Variants in BCKDK observed in about 807,000 individuals in gnomAD.
The protein encoded by BCKDK is branched chain keto acid dehydrogenase kinase.
BCKDK carries 28 observed loss-of-function variants against 43.9 expected under a neutral mutation model. The ratio of observed to expected loss-of-function variants is 0.64; its 90% confidence interval spans 0.47 to 0.87. The LOEUF is 0.87. Among genes scored for constraint, BCKDK ranks in the 40% least tolerant of loss-of-function variants. The pLI is 0.00. For synonymous variants in BCKDK, 257 were observed against 234.3 expected, an observed-to-expected ratio of 1.10 and a Z score of -0.88; for missense variants, 483 against 581.4, an observed-to-expected ratio of 0.83 and a Z score of 1.74.
downstream of BCKDK, among the ~76,000 whole-genome samples, chr16:31,116,205 C>A (rs56955515): frequency 6.6e-6 from 1 of 151,800 alleles, no homozygotes; most frequent in Non-Finnish European, 1.5e-5. Flanking sequence ...CGTGAACCAC[C>A]GCACCCGGCC....
downstream of BCKDK, among the ~76,000 whole-genome samples, chr16:31,117,000 G>T (rs1000984143): frequency 6.6e-6 from 1 of 151,376 alleles, no homozygotes; most frequent in Non-Finnish European, 1.5e-5. Context: ...GGCCGCTCTG[G>T]CTCTGCCCTG....
chr16:31,109,632 C>A lies in BCKDK; in HGVS notation c.265-41C>A. 1 of 1,613,610 alleles carries A rather than the reference C, an allele frequency of 6.2e-7. No homozygotes were observed. The highest frequency in any genetic ancestry group is 8.5e-7 in the Non-Finnish European group (1 of 1,179,574). On this transcript the variant is annotated intron_variant, in intron 3 of 11. Coordinates refer to ENST00000219794, the MANE Select transcript of BCKDK (RefSeq NM_005881.4). The surrounding 1 kb of genome is among the most constrained non-coding windows in gnomAD (Gnocchi z 5.3). ...GTGGATCCTGGAGCTCTCCCAGACACTCAGGCTCCAGCCCCGCCTTCCCTT... is the reference window on the plus strand; with the variant it reads ...GTGGATCCTGGAGCTCTCCCAGACAATCAGGCTCCAGCCCCGCCTTCCCTT...
chr16:31,113,693 T>C (rs1450488548), downstream of BCKDK, among the ~76,000 whole-genome samples: 1 of 152,092 alleles, frequency 6.6e-6, no homozygotes, highest in African/African-American at 2.4e-5. Flanking sequence ...GGGCTGGACT[T>C]GAACTTCTGG....
chr16:31,109,475 G>A lies in BCKDK; in HGVS notation c.196-36G>A. On this transcript the variant is annotated intron_variant, in intron 2 of 11. Coordinates refer to ENST00000219794, the MANE Select transcript of BCKDK (RefSeq NM_005881.4). This position sits in a 1 kb window ranked among gnomAD's most constrained non-coding sequence, Gnocchi z 5.3. ...GGATGTAGGCGGGAGGGAGAGTGTT[G>A]GGGGTTCTCTGCTCAAGGCCTCTCT... 1.9e-6 allele frequency: 3 copies of A among 1,613,616 alleles called. 1 individual carries two copies. Among genetic ancestry groups the A allele is most frequent in the South Asian group, 2.2e-5 (2 of 91,020 alleles).
Position 31,109,821 on chromosome 16 carries a change from G to GC in BCKDK, c.375+42dup, listed in dbSNP as rs1567428510. On this transcript the variant is annotated intron_variant, in intron 4 of 11. Transcript: ENST00000219794. The surrounding 1 kb of genome is among the most constrained non-coding windows in gnomAD (Gnocchi z 5.3). ...GGACCTTAGGTCAGCGGGCCACCCT[G>GC]CCCCGGGGGCAAGTGGGGAGTCTGG... is the stretch of plus-strand genomic sequence containing the variant. 6.3e-7 allele frequency: 1 copy of GC among 1,597,972 alleles called. No homozygotes were observed.
chr16:31,113,639 A>T (rs532677117), downstream of BCKDK, among the ~76,000 whole-genome samples: 3 of 152,190 alleles, frequency 2.0e-5, no homozygotes, highest in South Asian at 2.1e-4. Flanking sequence ...AAATTTTAAA[A>T]TTTTTTGTAG....
Position 31,111,178 on chromosome 16 carries a change from A to G in BCKDK, c.804A>G (p.Pro268=), listed in dbSNP as rs766448019. 1 of 1,614,112 alleles carries G rather than the reference A, an allele frequency of 6.2e-7. No homozygotes were observed. The highest frequency in any genetic ancestry group is 8.5e-7 in the Non-Finnish European group (1 of 1,180,008). ...CCCGGTTCCCCTTCATCCCTATGCC[A>G]CTGGACTACATCCTGCCGGAGCTGC... ...VAARFPFIPM[P]LDYILPELLK... is the part of the protein sequence containing the mutation. Residue 268 remains proline, a synonymous_variant, in exon 9 of 12, where the codon CCA becomes CCG. Transcript: ENST00000219794.
rs2057399952 is a variant in BCKDK, at chr16:31,110,281, C to A, written c.500C>A (p.Thr167Asn). The part of the protein sequence containing the change: ...QLLDDHKDVV[T>N]LLAEGLRESR... ...CTGGATGACCACAAGGATGTGGTGA[C>A]CCTCTTGGCAGAGGGCCTACGTGAG... Residue 167 changes from threonine to asparagine, a missense_variant, in exon 6 of 12, where the codon ACC (threonine) becomes AAC (asparagine). By Grantham distance (65) the Thr-to-Asn change is moderately conservative. Coordinates refer to ENST00000219794, the MANE Select transcript of BCKDK (RefSeq NM_005881.4). The surrounding 1 kb of genome is among the most constrained non-coding windows in gnomAD (Gnocchi z 5.4). 3 of 1,613,932 alleles carry A rather than the reference C, an allele frequency of 1.9e-6. No individual in the cohort carries two copies. Among genetic ancestry groups the A allele is most frequent in the Admixed American group, 3.3e-5 (2 of 59,988 alleles).
In BCKDK at chr16:31,111,096, T is replaced by C; in HGVS notation, c.722T>C (p.Leu241Pro). ...ACCCTCGCTCCTATCCGCAGACGCC[T>C]GTGTGAGCACAAGTATGGCAATGCG... is the stretch of plus-strand genomic sequence containing the variant. ...IEKWVDFARR[L>P]CEHKYGNAPR... Residue 241 changes from leucine (L) to proline (P), a missense_variant, in exon 9 of 12, where the codon CTG becomes CCG. By Grantham distance (98) the Leu-to-Pro change is moderately conservative (BLOSUM62 -3). Transcript: ENST00000219794. 1 of 1,614,076 alleles carries C rather than the reference T, an allele frequency of 6.2e-7. No individual in the cohort carries two copies.
At chr16:31,117,166 T>A (rs540122260), downstream of BCKDK, among the ~76,000 whole-genome samples, 3 of 151,486 alleles carry the variant, frequency 2.0e-5, no homozygotes, top group Non-Finnish European at 4.4e-5. Flanking sequence ...GGTCAAGAGA[T>A]CAAGACTATC....
Position 31,110,847 on chromosome 16 carries a change from G to C in BCKDK, c.716+86G>C. The C allele has an allele frequency of 6.7e-7, 1 of 1,489,942 alleles. No individual in the cohort carries two copies. Among genetic ancestry groups the C allele is most frequent in the Non-Finnish European group, 9.3e-7 (1 of 1,070,264 alleles). 92.3% of individuals were successfully genotyped at this position (1,489,942 alleles called of 1,614,324 possible). A position where few individuals can be genotyped will look rare whatever the true frequency, so the allele number is the denominator to read the frequency against. On this transcript the variant is annotated intron_variant, in intron 8 of 11. Transcript: ENST00000219794. The surrounding 1 kb of genome is among the most constrained non-coding windows in gnomAD (Gnocchi z 5.4). ...AGCCCTTGCCCGGGGCATGATCTGCGGGGAGCAGGGTTTCTCAACCATGGC... is the reference window on the plus strand; with the variant it reads ...AGCCCTTGCCCGGGGCATGATCTGCCGGGAGCAGGGTTTCTCAACCATGGC...
rs192092689 is a variant in BCKDK at position 31,108,595 on chromosome 16, C to G, written c.-178+116C>G. ...CTGGCATCTACCATATGGGGGGCAT[C>G]CGGGCCGAACCAAGTGACCCGCGTG... On this transcript the variant is annotated intron_variant, in intron 1 of 11. Coordinates refer to ENST00000219794, the MANE Select transcript of BCKDK (RefSeq NM_005881.4). This position sits in a 1 kb window ranked among gnomAD's most constrained non-coding sequence, Gnocchi z 6.2. 2.3e-3 allele frequency: 344 copies of G among 152,528 alleles called. 5 individuals are homozygous for G. The highest frequency in any genetic ancestry group is 2.3e-3 in the East Asian group (12 of 5,168). 9.4% of individuals were successfully genotyped at this position (152,528 alleles called of 1,614,324 possible). A position where few individuals can be genotyped will look rare whatever the true frequency, so the allele number is the denominator to read the frequency against.
In BCKDK at chr16:31,110,268, A is replaced by C; in HGVS notation, c.487A>C (p.Lys163Gln). Residue 163 changes from lysine to glutamine, a missense_variant, in exon 6 of 12, where the codon AAG becomes CAG. Physicochemically the swap from Lys to Gln is moderately conservative, Grantham distance 53. Transcript: ENST00000219794. This position sits in a 1 kb window ranked among gnomAD's most constrained non-coding sequence, Gnocchi z 5.4. ...QLVRQLLDDH[K>Q]DVVTLLAEGL... is the part of the protein sequence containing the mutation. ...GGTGCGACAGCTGCTGGATGACCAC[A>C]AGGATGTGGTGACCCTCTTGGCAGA... The C allele has an allele frequency of 6.2e-7, 1 of 1,614,080 alleles. No individual in the cohort carries two copies. The highest frequency in any genetic ancestry group is 8.5e-7 in the Non-Finnish European group (1 of 1,180,022).
chr16:31,113,314 T>C (rs1207071815), downstream of BCKDK, among the ~76,000 whole-genome samples: 1 of 151,998 alleles, frequency 6.6e-6, no homozygotes. Flanking sequence ...GGAGGGGAAG[T>C]TGTATGTGGA....
rs940102319 is a variant in BCKDK at position 31,110,037 on chromosome 16, C to A, written c.376-40C>A. On this transcript the variant is annotated intron_variant, in intron 4 of 11. Transcript: ENST00000219794. This position sits in a 1 kb window ranked among gnomAD's most constrained non-coding sequence, Gnocchi z 5.4. ...GGGGGTGGCTGTTCTCTGCTCAGTG[C>A]CCATGCGGCTTTGTGAATTCCCACA... The A allele has an allele frequency of 6.2e-7, 1 of 1,613,768 alleles. No homozygotes were observed. The highest frequency in any genetic ancestry group is 1.7e-5 in the Admixed American group (1 of 60,016).
chr16:31,109,427 G>A lies in BCKDK; in HGVS notation c.195+9G>A. On this transcript the variant is annotated intron_variant, in intron 2 of 11. Coordinates refer to ENST00000219794, the MANE Select transcript of BCKDK (RefSeq NM_005881.4). The surrounding 1 kb of genome is among the most constrained non-coding windows in gnomAD (Gnocchi z 5.3). The stretch of plus-strand genomic sequence containing the variant: ...ACGCGGCAGCGGAGAAGGTGCGCAA[G>A]GGGGCAGCCAGCCCAGGGTCCGGGA... The A allele has an allele frequency of 6.2e-7, 1 of 1,611,678 alleles. No homozygotes were observed. The highest frequency in any genetic ancestry group is 1.3e-5 in the African/African-American group (1 of 75,014).
At position 31,109,116 on chromosome 16, in the gene BCKDK, A is replaced by G. The variant is rs894643593; in HGVS notation, c.-108A>G. The stretch of plus-strand genomic sequence containing the variant: ...GCACCCTGGTCCCTGAAGTCGGAGA[A>G]GAGCCCCTACCCACCCACACCCCCT... On this transcript the variant is annotated 5_prime_UTR_variant, in exon 2 of 12. Transcript: ENST00000219794. This position sits in a 1 kb window ranked among gnomAD's most constrained non-coding sequence, Gnocchi z 5.3. 3 of 993,450 alleles carry G rather than the reference A, an allele frequency of 3.0e-6. No individual in the cohort carries two copies. Among genetic ancestry groups the G allele is most frequent in the Admixed American group, 3.5e-5 (1 of 28,728 alleles). 61.5% of individuals were successfully genotyped at this position (993,450 alleles called of 1,614,324 possible). A position where few individuals can be genotyped will look rare whatever the true frequency, so the allele number is the denominator to read the frequency against.
rs2057394611 is a variant in BCKDK, at chr16:31,109,744, T to G, written c.336T>G (p.Leu112=). Residue 112 remains leucine, a synonymous_variant, in exon 4 of 12, where the codon CTT becomes CTG. Coordinates refer to ENST00000219794, the MANE Select transcript of BCKDK (RefSeq NM_005881.4). The surrounding 1 kb of genome is among the most constrained non-coding windows in gnomAD (Gnocchi z 5.3). ...IAHRIKGFRC[L]PFIIGCNPTI... ...ACCGCATCAAGGGCTTCCGCTGCCT[T>G]CCTTTCATCATTGGCTGCAACCCCA... 4.3e-6 allele frequency: 7 copies of G among 1,613,798 alleles called. No homozygotes were observed. The highest frequency in any genetic ancestry group is 1.7e-5 in the Admixed American group (1 of 60,002).
Position 31,110,196 on chromosome 16 carries a change from G to A in BCKDK, c.424-9G>A. ...GGACCACCCTTCCTCATGACTCTGT[G>A]ACCTGCAGATCAAGGACCAGGCGGA... On this transcript the variant is annotated splice_polypyrimidine_tract_variant and intron_variant, in intron 5 of 11. Transcript: ENST00000219794. This position sits in a 1 kb window ranked among gnomAD's most constrained non-coding sequence, Gnocchi z 5.4. 6.2e-7 allele frequency: 1 copy of A among 1,614,124 alleles called. No homozygotes were observed. Among genetic ancestry groups the A allele is most frequent in the Non-Finnish European group, 8.5e-7 (1 of 1,180,014 alleles).
Sources: allele counts gnomAD v4.1 joint callset (sites outside exome capture counted in the v4.1 genomes callset), GRCh38; gene constraint gnomAD v4.1.1; non-coding constraint Gnocchi (gnomAD v3.1); transcripts MANE v1.5; gene names NCBI Gene and HGNC (gene_info 2026-07-23, HGNC 2026-07-21).